The following AOX1 variants were observed in gnomAD, a reference collection of about 807,000 sequenced individuals.
AOX1 encodes aldehyde oxidase.
In AOX1, 153 loss-of-function variants were observed where a neutral mutation model predicts 169.5. The ratio of observed to expected loss-of-function variants is 0.90; its 90% CI spans 0.79 to 1.03. The LOEUF (loss-of-function observed/expected upper bound fraction) is 1.03. Ranked by LOEUF, AOX1 falls within the 50% of genes least tolerant of loss-of-function variation. The pLI is 0.00. For synonymous variants in AOX1, 562 were observed against 581.9 expected, an observed-to-expected ratio of 0.97 and a Z score of 0.49; for missense variants, 1,656 against 1,663.9, an observed-to-expected ratio of 1.00 and a Z score of 0.08.
At chr2:200,600,034 AC>A (rs2034376758) in intron 5 of AOX1, among the ~76,000 whole-genome samples, 1 of 152,208 alleles carries the variant, frequency 6.6e-6, no homozygotes, top group African/African-American at 2.4e-5. Context: ...TTTGATCCTC[AC>A]AAAAAATTTA....
chr2:200,617,954 G>A (rs1358891423), intron 16 of AOX1, among the ~76,000 whole-genome samples: 1 of 152,114 alleles, frequency 6.6e-6, no homozygotes, highest in African/African-American at 2.4e-5. Flanking sequence ...TCAGCTCCTC[G>A]AAGCAGAGGG....
intron 27 of AOX1, among the ~76,000 whole-genome samples, chr2:200,657,895 T>C (rs1166054604): frequency 6.6e-6 from 1 of 152,220 alleles, no homozygotes; most frequent in Non-Finnish European, 1.5e-5. Context: ...TCTTTTTTGC[T>C]TTTGCAAAAA....
chr2:200,636,812 TTTGTTG>T, intron 21 of AOX1, 93 bp from the exon 22 acceptor site: 2 of 1,424,372 alleles, frequency 1.4e-6, no homozygotes, highest in Non-Finnish European at 1.9e-6. Flanking sequence ...GGACAGGTTT[TTTGTTG>T]TTGTTGTTAA....
chr2:200,618,815 G>A (rs1446672705), intron 16 of AOX1, among the ~76,000 whole-genome samples: 1 of 152,162 alleles, frequency 6.6e-6, no homozygotes, highest in African/African-American at 2.4e-5. Flanking sequence ...CCATTTGTGG[G>A]ATTAGATGAA....
chr2:200,604,608 A>G (rs2034477084), intron 8 of AOX1, 88 bp from the exon 9 acceptor site: 1 of 1,353,420 alleles, frequency 7.4e-7, no homozygotes, highest in Non-Finnish European at 1.0e-6. Flanking sequence ...GTATTTTCTC[A>G]TTCTGTATCT....
At chr2:200,644,256 G>C (rs900338878) in intron 25 of AOX1, among the ~76,000 whole-genome samples, 1 of 152,210 alleles carries the variant, frequency 6.6e-6, no homozygotes, top group Non-Finnish European at 1.5e-5. Flanking sequence ...TCAGAGATGA[G>C]GATCCAGTTT....
intron 3 of AOX1, among the ~76,000 whole-genome samples, chr2:200,596,739 G>A (rs2034291002): frequency 6.6e-6 from 1 of 152,168 alleles, no homozygotes; most frequent in Non-Finnish European, 1.5e-5. Flanking sequence ...CTCTTATGAA[G>A]GGGTTGTCAC....
rs778564006 is a variant in AOX1 at position 200,595,275 on chromosome 2, G to A, written c.107G>A (p.Arg36Gln). The A allele has an allele frequency of 4.0e-5, 65 of 1,611,820 alleles. No homozygotes were observed. Among genetic ancestry groups the A allele is most frequent in the Non-Finnish European group, 5.2e-5 (61 of 1,178,720 alleles). Residue 36 changes from arginine to glutamine, a missense_variant, in exon 3 of 35, where the codon CGA becomes CAA. Physicochemically the swap from Arg to Gln is conservative, Grantham distance 43. Coordinates refer to ENST00000374700, the MANE Select transcript of AOX1 (RefSeq NM_001159.4). ...MLLPYLRKKL[R>Q]LTGTKYGCGG... ...TCTTTAACTATACCTCTTCCAGTTC[G>A]ACTCACAGGAACTAAGTATGGCTGT...
chr2:200,605,782 G>A (rs971234630), intron 10 of AOX1, among the ~76,000 whole-genome samples, 154 bp downstream of exon 10: 4 of 152,136 alleles, frequency 2.6e-5, no homozygotes, highest in African/African-American at 9.7e-5. Flanking sequence ...CCACATAAAT[G>A]TCTTCTTTTG....
chr2:200,610,647 G>C (rs1279014742), intron 12 of AOX1, among the ~76,000 whole-genome samples: 1 of 152,082 alleles, frequency 6.6e-6, no homozygotes, highest in Non-Finnish European at 1.5e-5. Flanking sequence ...ATTCATGACT[G>C]TATCTAGTGG....
intron 25 of AOX1, among the ~76,000 whole-genome samples, chr2:200,648,805 A>C (rs2035518464): frequency 6.6e-6 from 1 of 151,746 alleles, no homozygotes; most frequent in African/African-American, 2.4e-5. Flanking sequence ...AGGTCACTGG[A>C]GTTGTGTACC....
intron 32 of AOX1, among the ~76,000 whole-genome samples, chr2:200,667,782 G>T (rs1339541988): frequency 1.3e-5 from 2 of 152,068 alleles, no homozygotes; most frequent in Non-Finnish European, 2.9e-5. Flanking sequence ...TTAGAGACAA[G>T]ACTTCACTTA....
At chr2:200,625,152 C>T (rs912035674) in intron 19 of AOX1, among the ~76,000 whole-genome samples, 1 of 152,102 alleles carries the variant, frequency 6.6e-6, no homozygotes, top group African/African-American at 2.4e-5. Flanking sequence ...ATTAGGCCTC[C>T]CAAATTTTCC....
intron 23 of AOX1, among the ~76,000 whole-genome samples, chr2:200,639,279 G>A (rs2035304387): frequency 6.6e-6 from 1 of 152,166 alleles, no homozygotes; most frequent in African/African-American, 2.4e-5. Context: ...AAGCGAGAGA[G>A]AAGAGAGCAT....
At chr2:200,620,853 A>T in intron 17 of AOX1, 34 bp downstream of exon 17, 1 of 1,569,726 alleles carries the variant, frequency 6.4e-7, no homozygotes, top group African/African-American at 1.4e-5. Context: ...ATGGGCATAA[A>T]TGATTGTCTT....
At chr2:200,646,211 C>T (rs1227387384) in intron 25 of AOX1, among the ~76,000 whole-genome samples, 1 of 152,144 alleles carries the variant, frequency 6.6e-6, no homozygotes, top group East Asian at 1.9e-4. Context: ...TATGAACTTT[C>T]CTCTTAGCAC....
chr2:200,642,307 A>G (rs1243997356), intron 24 of AOX1, among the ~76,000 whole-genome samples: 2 of 152,150 alleles, frequency 1.3e-5, no homozygotes, highest in Non-Finnish European at 2.9e-5. Flanking sequence ...ATTACATTCT[A>G]TAGACCCAGT....
chr2:200,667,205 T>C (rs1003966751), intron 32 of AOX1, among the ~76,000 whole-genome samples: 4 of 152,178 alleles, frequency 2.6e-5, no homozygotes, highest in African/African-American at 4.8e-5. Flanking sequence ...AAATTTAAAT[T>C]TGAAATAGTT....
intron 25 of AOX1, among the ~76,000 whole-genome samples, chr2:200,648,350 G>A (rs1196127251): frequency 6.6e-6 from 1 of 152,204 alleles, no homozygotes; most frequent in Non-Finnish European, 1.5e-5. Flanking sequence ...TGCAGTGATT[G>A]TTGTCTTTCT....
Sources: allele counts gnomAD v4.1 joint callset (sites outside exome capture counted in the v4.1 genomes callset), GRCh38; gene constraint gnomAD v4.1.1; transcripts MANE v1.5; gene names NCBI Gene and HGNC (gene_info 2026-07-23, HGNC 2026-07-21).